Variants in CELF2 observed in about 807,000 individuals in gnomAD.
CELF2 encodes the protein CUGBP Elav-like family member 2.
A neutral mutation model predicts 62.6 loss-of-function variants in CELF2; 8 were observed. That is an observed-to-expected ratio of 0.13 (90% CI 0.07 to 0.23). The LOEUF is 0.23. Ranked by LOEUF, CELF2 falls within the 10% of genes least tolerant of loss-of-function variation. The pLI is 1.00. For missense variants in CELF2, 333 were observed against 671.0 expected (o/e 0.50, Z 5.56); for synonymous variants, 258 against 250.0 (o/e 1.03, Z -0.30).
At chr10:10,673,404 A>C in the CELF2 span, among the ~76,000 whole-genome samples, 1 of 152,050 alleles carries the variant, frequency 6.6e-6, no homozygotes, top group Non-Finnish European at 1.5e-5. Context: ...TTTCTGATAC[A>C]GTAATTTGTG....
In CELF2 at chr10:11,328,214, C is replaced by T. The variant is rs534855295; in HGVS notation, c.1439-712C>T. On this transcript the variant is annotated intron_variant, in intron 12 of 12. Transcript: ENST00000633077. This position sits in a 1 kb window ranked among gnomAD's most constrained non-coding sequence, Gnocchi z 6.4. ...TTTGGGAGATGCCAGGGAGCAATTT[C>T]CTTTCTGCTGAATTTACTGGAGCTT... Among the ~76,000 whole-genome samples, 196 of 152,288 alleles carry T rather than the reference C, an allele frequency of 1.3e-3. 1 individual carries two copies. The highest frequency in any genetic ancestry group is 3.4e-3 in the Middle Eastern group (1 of 294).
Position 11,247,876 on chromosome 10 carries a change from C to T in CELF2, c.355-1277C>T, listed in dbSNP as rs1207861009. ...GGCTTTCCACAGGTGACTTGTCCTGCTTTTGAAGAGGCAGCTCACTTAGCC... is the reference window on the plus strand; with the variant it reads ...GGCTTTCCACAGGTGACTTGTCCTGTTTTTGAAGAGGCAGCTCACTTAGCC... On this transcript the variant is annotated intron_variant, in intron 3 of 12. Coordinates refer to ENST00000633077, the MANE Select transcript of CELF2 (RefSeq NM_001326342.2). The surrounding 1 kb of genome is among the most constrained non-coding windows in gnomAD (Gnocchi z 5.4). Among the ~76,000 whole-genome samples, 2 of 152,204 alleles carry T rather than the reference C, an allele frequency of 1.3e-5. No homozygotes were observed. The highest frequency in any genetic ancestry group is 2.9e-5 in the Non-Finnish European group (2 of 68,040).
chr10:11,121,733 G>A (rs2057791814), intron 1 of CELF2, among the ~76,000 whole-genome samples: 1 of 151,678 alleles, frequency 6.6e-6, no homozygotes, highest in Non-Finnish European at 1.5e-5. Context: ...ACTTTGATTT[G>A]TGGAAAAAAA....
the CELF2 span, among the ~76,000 whole-genome samples, chr10:10,538,072 G>A: frequency 6.6e-6 from 1 of 152,124 alleles, no homozygotes; most frequent in Non-Finnish European, 1.5e-5. Context: ...AGGCAGTGCA[G>A]CAGCCACTGT....
the CELF2 span, among the ~76,000 whole-genome samples, chr10:10,601,119 AG>A: frequency 3.6e-4 from 55 of 152,334 alleles, no homozygotes; most frequent in African/African-American, 1.3e-3. Flanking sequence ...GGCTCCAGAA[AG>A]CTTGACCAAT....
At chr10:10,547,214 G>C in the CELF2 span, among the ~76,000 whole-genome samples, 2 of 152,096 alleles carry the variant, frequency 1.3e-5, no homozygotes, top group Non-Finnish European at 2.9e-5. Flanking sequence ...CCAAATACTT[G>C]CCTATCGAGA....
chr10:10,693,413 A>G, the CELF2 span, among the ~76,000 whole-genome samples: 1 of 149,244 alleles, frequency 6.7e-6, no homozygotes, highest in East Asian at 1.9e-4. Flanking sequence ...TCGTTTTGCC[A>G]GTATTTTATT....
chr10:10,640,786 T>A, the CELF2 span, among the ~76,000 whole-genome samples: 1 of 152,264 alleles, frequency 6.6e-6, no homozygotes, highest in Non-Finnish European at 1.5e-5. Flanking sequence ...AATGTTTCTG[T>A]GACTTAACAT....
At chr10:11,239,717 T>A (rs1239104216) in intron 3 of CELF2, among the ~76,000 whole-genome samples, 1 of 152,144 alleles carries the variant, frequency 6.6e-6, no homozygotes, top group Non-Finnish European at 1.5e-5. Context: ...CTTTTTTTTT[T>A]AAACTGGCTT....
intron 1 of CELF2, among the ~76,000 whole-genome samples, chr10:11,094,455 T>C (rs1162738575): frequency 2.0e-5 from 3 of 152,184 alleles, no homozygotes; most frequent in Non-Finnish European, 4.4e-5. Context: ...CTTATTATAA[T>C]GAACTTGGGA....
chr10:10,864,487 A>G (rs1428126627), intron 1 of CELF2, among the ~76,000 whole-genome samples: 1 of 152,202 alleles, frequency 6.6e-6, no homozygotes, highest in African/African-American at 2.4e-5. Context: ...TATCTCTCAC[A>G]GTTCTGGGGA....
the CELF2 span, among the ~76,000 whole-genome samples, chr10:10,703,138 A>T: frequency 6.6e-6 from 1 of 152,350 alleles, no homozygotes; most frequent in East Asian, 1.9e-4. Context: ...TTTGACCTAC[A>T]GATTCTATAA....
chr10:10,574,837 C>T, the CELF2 span, among the ~76,000 whole-genome samples: 1 of 148,156 alleles, frequency 6.7e-6, no homozygotes, highest in South Asian at 2.1e-4. Context: ...AGCCTCCTGA[C>T]TAGCTAGGAT....
chr10:11,211,791 TGAGAGAGA>T lies in CELF2; in HGVS notation c.272-5618_272-5611del, dbSNP rs144030698. Among the ~76,000 whole-genome samples the T allele has an allele frequency of 3.1e-4, 42 of 135,662 alleles. No individual in the cohort carries two copies. Among genetic ancestry groups the T allele is most frequent in the Admixed American group, 6.6e-4 (9 of 13,586 alleles). 89.0% of individuals were successfully genotyped at this position (135,662 alleles called of 152,430 possible). On this transcript the variant is annotated intron_variant, in intron 2 of 12. Transcript: ENST00000633077. The surrounding 1 kb of genome is among the most constrained non-coding windows in gnomAD (Gnocchi z 4.8). ...GAGTGAGAGTGTGTGTGTATGTGTGTGAGAGAGAGAGAGAGAGAGAGAGTGTGTGTGTG... is the reference window on the plus strand; with the variant it reads ...GAGTGAGAGTGTGTGTGTATGTGTGTGAGAGAGAGAGAGAGTGTGTGTGTG...
intron 2 of CELF2, among the ~76,000 whole-genome samples, chr10:11,179,125 T>G (rs1384364959): frequency 6.6e-6 from 1 of 152,224 alleles, no homozygotes; most frequent in African/African-American, 2.4e-5. Flanking sequence ...GGAGTAATTT[T>G]TAATGCTTTC....
intron 1 of CELF2, among the ~76,000 whole-genome samples, chr10:10,834,923 C>T (rs1045121186): frequency 6.6e-6 from 1 of 152,164 alleles, no homozygotes; most frequent in African/African-American, 2.4e-5. Context: ...GGCTCCACAC[C>T]TTTGAACCAT....
chr10:11,065,794 G>A (rs575447433), intron 1 of CELF2, among the ~76,000 whole-genome samples: 2 of 152,134 alleles, frequency 1.3e-5, no homozygotes, highest in Non-Finnish European at 2.9e-5. Context: ...AGGGTGAGGG[G>A]TAGGAATAGA....
chr10:10,982,727 T>C (rs935887456), intron 2 of CELF2, among the ~76,000 whole-genome samples: 2 of 152,210 alleles, frequency 1.3e-5, no homozygotes, highest in South Asian at 2.1e-4. Flanking sequence ...GCATATTCAT[T>C]TGGGCAACAT....
At chr10:10,564,684 A>ACACACGCG in the CELF2 span, among the ~76,000 whole-genome samples, 2 of 105,614 alleles carry the variant, frequency 1.9e-5, no homozygotes, top group African/African-American at 4.6e-5. Context: ...GCACACACGC[A>ACACACGCG]CACACACACA....
Sources: allele counts gnomAD v4.1 joint callset (sites outside exome capture counted in the v4.1 genomes callset), GRCh38; gene constraint gnomAD v4.1.1; non-coding constraint Gnocchi (gnomAD v3.1); transcripts MANE v1.5; gene names NCBI Gene and HGNC (gene_info 2026-07-23, HGNC 2026-07-21).